RUFY4: variants seen among roughly 807,000 people sequenced by gnomAD.
The protein encoded by RUFY4 is RUN and FYVE domain-containing protein 4.
A neutral mutation model predicts 69.0 loss-of-function variants in RUFY4; 73 were observed. The observed-to-expected ratio is 1.06, with a 90% CI of 0.88 to 1.29. RUFY4 has a LOEUF of 1.29. Among genes scored for constraint, RUFY4 ranks in the 50% most tolerant of loss-of-function variants. The pLI, the probability that RUFY4 is intolerant of heterozygous loss-of-function variation, is 0.00. For synonymous variants in RUFY4, 287 were observed against 271.8 expected (o/e 1.06, Z -0.55); for missense variants, 770 against 705.6 (o/e 1.09, Z -1.03).
chr2:218,089,505 C>T lies in RUFY4; in HGVS notation c.1613+143C>T, dbSNP rs554824042. Reference sequence around the variant, plus strand: ...TTACAGCTGACTACTCATTCTACCACATCTGGCTTCCAACACTAAGCAGAG... The same window carrying T: ...TTACAGCTGACTACTCATTCTACCATATCTGGCTTCCAACACTAAGCAGAG... On this transcript the variant is annotated intron_variant, in intron 10 of 10. Coordinates refer to ENST00000344321, the Ensembl canonical transcript of RUFY4. The T allele has an allele frequency of 2.8e-4, 191 of 673,826 alleles. 1 individual carries two copies. In the African/African-American group the frequency reaches 3.2e-3, roughly 11 times the overall value. The allele number at this position is 673,826 out of a possible 1,614,324, so 41.7% of individuals were successfully genotyped here.
rs183040812 is a variant in RUFY4 at position 218,053,603 on chromosome 2, G to T, written c.-1157-4992G>T. On this transcript the variant is annotated intron_variant and NMD_transcript_variant, in intron 2 of 13. Coordinates refer to the RUFY4 transcript ENST00000457754. Reference sequence around the variant, plus strand: ...CGGCTCACTGCAAGCTCCGCCTCCCGGATTCATCCCATTCTCCTGCCTCAG... The same window carrying T: ...CGGCTCACTGCAAGCTCCGCCTCCCTGATTCATCCCATTCTCCTGCCTCAG... Among the ~76,000 whole-genome samples the T allele has an allele frequency of 5.2e-3, 795 of 152,164 alleles. 8 individuals are homozygous for T. Among genetic ancestry groups the T allele is most frequent in the African/African-American group, 0.018 (746 of 41,510 alleles).
At chr2:218,039,619 T>C (rs1244433239) in intron 2 of RUFY4, among the ~76,000 whole-genome samples, 1 of 152,112 alleles carries the variant, frequency 6.6e-6, no homozygotes. Context: ...GGAACAGACA[T>C]TAGCTGCTGG....
chr2:218,057,122 C>T (rs750920539), intron 2 of RUFY4, among the ~76,000 whole-genome samples: 17 of 151,954 alleles, frequency 1.1e-4, no homozygotes, highest in Non-Finnish European at 2.4e-4. Context: ...TTTTACCCAG[C>T]GCTGTCCTAT....
rs1689462673 is a variant in RUFY4, at chr2:218,070,586, C to G, written c.-20C>G. The G allele has an allele frequency of 1.3e-6, 2 of 1,536,560 alleles. No individual in the cohort carries two copies. The highest frequency in any genetic ancestry group is 1.7e-6 in the Non-Finnish European group (2 of 1,146,088). ...GCTCACAGTCCAAGTTGCAAGGAAT[C>G]ACATCATTTCCAAGTACCCATGGCA... is the stretch of plus-strand genomic sequence containing the variant. On this transcript the variant is annotated 5_prime_UTR_variant, in exon 1 of 11. It adds an upstream start codon to the 5' untranslated region. Coordinates refer to ENST00000344321, the Ensembl canonical transcript of RUFY4.
At chr2:218,074,012 C>A in intron 6 of RUFY4, 127 bp downstream of exon 8, 1 of 931,320 alleles carries the variant, frequency 1.1e-6, no homozygotes, top group Non-Finnish European at 1.7e-6. Context: ...ACAGACAGAG[C>A]AAGAGGCCAG....
chr2:218,075,064 G>A, intron 6 of RUFY4, 29 bp from the exon 9 acceptor site: 1 of 1,486,846 alleles, frequency 6.7e-7, no homozygotes, highest in Non-Finnish European at 9.0e-7. Flanking sequence ...GTGCTGAGAG[G>A]GATGACTGGT....
At position 218,076,772 on chromosome 2, in the gene RUFY4, C is replaced by T. The variant is rs1007992829; in HGVS notation, c.1355+239C>T. The stretch of plus-strand genomic sequence containing the variant: ...GAGCAGGAGCAGCCCCAGGAAAGGC[C>T]CCGCCTCCTGGCCTGCTTCCTTCCC... On this transcript the variant is annotated intron_variant, in intron 8 of 10. Transcript: ENST00000344321. 1.4e-4 allele frequency among the ~76,000 whole-genome samples: 21 copies of T among 152,176 alleles called. 1 individual carries two copies. The highest frequency in any genetic ancestry group is 6.2e-4 in the South Asian group (3 of 4,822).
chr2:218,072,730 G>T, intron 3 of RUFY4, 49 bp from the exon 6 acceptor site: 1 of 1,399,014 alleles, frequency 7.1e-7, no homozygotes, highest in Non-Finnish European at 9.5e-7. Context: ...TTACCTGGGC[G>T]CCCTTTGTCC....
At chr2:218,076,053 A>G (rs1194993196) in intron 7 of RUFY4, among the ~76,000 whole-genome samples, 2 of 152,054 alleles carry the variant, frequency 1.3e-5, no homozygotes, top group African/African-American at 4.8e-5. Flanking sequence ...CTCCAGTTCC[A>G]TATCCTCATG....
chr2:218,086,984 C>G (rs946182429), intron 9 of RUFY4, among the ~76,000 whole-genome samples: 5 of 152,114 alleles, frequency 3.3e-5, no homozygotes, highest in Non-Finnish European at 7.4e-5. Context: ...AAACCAAAAG[C>G]CTTCCAAGAA....
chr2:218,061,466 A>C (rs1689190547), intron 3 of RUFY4: 1 of 185,632 alleles, frequency 5.4e-6, no homozygotes, highest in African/African-American at 2.4e-5. Context: ...ATTATTGCAC[A>C]ATAAACCTTA....
intron 2 of RUFY4, among the ~76,000 whole-genome samples, chr2:218,058,135 T>G (rs1369639582): frequency 6.6e-6 from 1 of 152,214 alleles, no homozygotes; most frequent in Non-Finnish European, 1.5e-5. Context: ...AAGTATCTTC[T>G]TCTAATCTGG....
At chr2:218,040,156 A>C (rs1011678074) in intron 2 of RUFY4, among the ~76,000 whole-genome samples, 1 of 152,230 alleles carries the variant, frequency 6.6e-6, no homozygotes, top group Admixed American at 6.5e-5. Context: ...TCATCCATAG[A>C]GTGGAAAATT....
At chr2:218,055,150 T>A (rs961674828) in intron 2 of RUFY4, among the ~76,000 whole-genome samples, 1 of 152,146 alleles carries the variant, frequency 6.6e-6, no homozygotes, top group African/African-American at 2.4e-5. Flanking sequence ...ATCCCATCAC[T>A]TTGGGAGGCT....
At chr2:218,069,893 G>A (rs1559430921), upstream of RUFY4, among the ~76,000 whole-genome samples, 1 of 152,134 alleles carries the variant, frequency 6.6e-6, no homozygotes, top group Non-Finnish European at 1.5e-5. Flanking sequence ...AGGAGAAGAG[G>A]ATGAGATCCC....
intron 7 of RUFY4, 74 bp downstream of exon 9, chr2:218,075,814 G>T: frequency 7.5e-7 from 1 of 1,331,232 alleles, no homozygotes; most frequent in South Asian, 2.6e-5. Flanking sequence ...GTCTGCAATG[G>T]TAGCCTGGGA....
chr2:218,072,681 C>A, intron 3 of RUFY4, 98 bp from the exon 6 acceptor site: 3 of 1,293,588 alleles, frequency 2.3e-6, no homozygotes, highest in Non-Finnish European at 3.1e-6. Context: ...CCCCTGCACC[C>A]TTCCCATTGC....
chr2:218,084,595 GACAA>G (rs1689847774), intron 9 of RUFY4, among the ~76,000 whole-genome samples: 1 of 152,138 alleles, frequency 6.6e-6, no homozygotes, highest in Admixed American at 6.5e-5. Context: ...ACTTGGAAAT[GACAA>G]ACAAATAATT....
chr2:218,061,301 T>C (rs889169774), intron 3 of RUFY4: 2 of 317,480 alleles, frequency 6.3e-6, no homozygotes, highest in African/African-American at 4.3e-5. Flanking sequence ...CTGGCCAACA[T>C]GGGGCAGAAT....
Sources: gnomAD v4.1 joint callset for allele counts (sites outside exome capture counted in the v4.1 genomes callset) on GRCh38, gnomAD v4.1.1 for gene constraint, MANE v1.5 for transcripts, NCBI Gene and HGNC (gene_info 2026-07-23, HGNC 2026-07-21) for gene names.